Variants in WDR93 observed in about 807,000 individuals in gnomAD.
WDR93 encodes the protein WD repeat-containing protein 93.
In WDR93, 73 loss-of-function variants were observed where a neutral mutation model predicts 82.9. The observed-to-expected ratio is 0.88, with a 90% confidence interval of 0.73 to 1.07. The LOEUF is 1.07. WDR93 is among the 50% of genes least tolerant of loss of function. The pLI, the probability that WDR93 is intolerant of heterozygous loss-of-function variation, is 0.00. For synonymous variants in WDR93, 283 were observed against 300.1 expected (o/e 0.94, Z 0.59); for missense variants, 738 against 826.0 (o/e 0.89, Z 1.31).
At chr15:89,697,346 G>A (rs1261592509) in intron 1 of WDR93, among the ~76,000 whole-genome samples, 1 of 152,258 alleles carries the variant, frequency 6.6e-6, no homozygotes, top group East Asian at 1.9e-4. Flanking sequence ...CCATTCCTGA[G>A]TATCTACCCT....
Position 89,731,577 on chromosome 15 carries a change from C to T in WDR93, c.1330+15C>T. The T allele has an allele frequency of 6.2e-7, 1 of 1,613,820 alleles. No homozygotes were observed. The highest frequency in any genetic ancestry group is 8.5e-7 in the Non-Finnish European group (1 of 1,179,906). On this transcript the variant is annotated intron_variant, in intron 12 of 16. Coordinates refer to ENST00000268130, the MANE Select transcript of WDR93 (RefSeq NM_020212.2). ...CCTGGCCAAAGGTAAGTCCTCCCTGCCTCTCTACCTAGTACCTGGGTGGGA... is the reference window on the plus strand; with the variant it reads ...CCTGGCCAAAGGTAAGTCCTCCCTGTCTCTCTACCTAGTACCTGGGTGGGA...
In WDR93 at chr15:89,699,657, G is replaced by A. The variant is rs73481777; in HGVS notation, c.-40-2050G>A. ...TTTTTTCAGTCTTTTTTATTCCTTC[G>A]TTTCATTTTGTTTCTATTGCTGTGT... On this transcript the variant is annotated intron_variant, in intron 1 of 16. Coordinates refer to ENST00000268130, the MANE Select transcript of WDR93 (RefSeq NM_020212.2). 6.6e-3 allele frequency among the ~76,000 whole-genome samples: 996 copies of A among 150,664 alleles called. 12 individuals carry two copies. The highest frequency in any genetic ancestry group is 0.023 in the African/African-American group (963 of 40,980).
At chr15:89,715,166 G>A in intron 6 of WDR93, 71 bp downstream of exon 6, 1 of 1,367,558 alleles carries the variant, frequency 7.3e-7, no homozygotes, top group Non-Finnish European at 1.0e-6. Context: ...CCAAGTCCTT[G>A]GAAACTTATG....
chr15:89,740,865 C>T (rs1416598930), intron 16 of WDR93, among the ~76,000 whole-genome samples: 3 of 151,752 alleles, frequency 2.0e-5, no homozygotes, highest in Non-Finnish European at 2.9e-5. Flanking sequence ...ATTGGCCGGG[C>T]GCGGTGGCTC....
intron 1 of WDR93, 32 bp downstream of exon 1, chr15:89,690,889 G>A: frequency 2.1e-6 from 1 of 468,006 alleles, no homozygotes. Context: ...TTTGGATGCC[G>A]GGGCTCCCCT....
In WDR93 at chr15:89,712,216, G is replaced by A; in HGVS notation, c.640+112G>A. On this transcript the variant is annotated intron_variant, in intron 5 of 16. Transcript: ENST00000268130. ...ATTTAGAAATTATTTTCAATTCAAA[G>A]AAGAGTTGCAAAGAAATTACAGAGT... 9.3e-6 allele frequency: 8 copies of A among 864,018 alleles called. 1 individual carries two copies. In the South Asian group the frequency reaches 1.1e-4, roughly 12 times the overall value. The allele number at this position is 864,018 out of a possible 1,614,324, so 53.5% of individuals were successfully genotyped here.
At chr15:89,735,421 C>T (rs1420182338) in intron 13 of WDR93, 69 bp from the exon 14 acceptor site, 1 of 1,505,820 alleles carries the variant, frequency 6.6e-7, no homozygotes. Flanking sequence ...GGATATATGC[C>T]TAGAAGAGGA....
intron 16 of WDR93, among the ~76,000 whole-genome samples, chr15:89,742,416 C>G (rs892558955): frequency 4.7e-5 from 7 of 148,502 alleles, no homozygotes; most frequent in African/African-American, 1.8e-4. Flanking sequence ...CCACTGACAG[C>G]CCCCCCTCCA....
chr15:89,690,504 C>G, upstream of WDR93: 1 of 1,146,570 alleles, frequency 8.7e-7, no homozygotes, highest in Non-Finnish European at 1.3e-6. Flanking sequence ...TCCTTTTTCC[C>G]GGGTGCAGGG....
chr15:89,724,540 G>A (rs1966655917), intron 8 of WDR93, among the ~76,000 whole-genome samples: 1 of 151,892 alleles, frequency 6.6e-6, no homozygotes, highest in Non-Finnish European at 1.5e-5. Flanking sequence ...AGAGGTAGAA[G>A]TTATTTGCAA....
At chr15:89,731,682 T>C in intron 12 of WDR93, 120 bp downstream of exon 12, 1 of 1,361,662 alleles carries the variant, frequency 7.3e-7, no homozygotes, top group Non-Finnish European at 1.0e-6. Flanking sequence ...TAAAGTCACC[T>C]TGGGGAACTG....
At chr15:89,723,867 A>G (rs754863007) in intron 8 of WDR93, among the ~76,000 whole-genome samples, 9 of 152,214 alleles carry the variant, frequency 5.9e-5, no homozygotes, top group Non-Finnish European at 1.3e-4. Flanking sequence ...AGAAGTAAAT[A>G]TATGAAAGGC....
chr15:89,692,763 C>A (rs565830044), intron 1 of WDR93, among the ~76,000 whole-genome samples: 3 of 152,152 alleles, frequency 2.0e-5, no homozygotes, highest in African/African-American at 7.2e-5. Context: ...TGCGCCACCA[C>A]GCATGGCTGA....
At chr15:89,732,092 A>T (rs569701145) in intron 12 of WDR93, among the ~76,000 whole-genome samples, 2 of 152,286 alleles carry the variant, frequency 1.3e-5, no homozygotes, top group African/African-American at 4.8e-5. Flanking sequence ...AGCTTTGCAG[A>T]TACAGAAATC....
Position 89,731,502 on chromosome 15 carries a change from T to A in WDR93, c.1270T>A (p.Ser424Thr). The A allele has an allele frequency of 6.2e-7, 1 of 1,614,176 alleles. No individual in the cohort carries two copies. ...PIAVSQLSCS[S>T]SYLVLACEDG... is the part of the protein sequence containing the mutation. ...TGCAGTCTCTCAGCTCAGCTGCTCCTCCTCCTACCTGGTGCTGGCCTGCGA... is the reference window on the plus strand; with the variant it reads ...TGCAGTCTCTCAGCTCAGCTGCTCCACCTCCTACCTGGTGCTGGCCTGCGA... The change falls in exon 12 of 17, where the codon TCC becomes ACC. Residue 424 changes from serine to threonine, a missense_variant. By Grantham distance (58) the Ser-to-Thr change is moderately conservative (BLOSUM62 1). Transcript: ENST00000268130.
rs551488824 is a variant in WDR93, at chr15:89,714,796, T to C, written c.641-184T>C. Among the ~76,000 whole-genome samples, 10 of 152,310 alleles carry C rather than the reference T, an allele frequency of 6.6e-5. No individual in the cohort carries two copies. In the South Asian group the frequency reaches 2.1e-3, roughly 32 times the overall value. On this transcript the variant is annotated intron_variant, in intron 5 of 16. Coordinates refer to ENST00000268130, the MANE Select transcript of WDR93 (RefSeq NM_020212.2). ...GGGATAACTCTCCATGGGAAAGTTA[T>C]GTGGGGCATGAGGACTTGCAATAAC...
intron 13 of WDR93, among the ~76,000 whole-genome samples, chr15:89,734,673 T>G (rs1466896479): frequency 6.6e-6 from 1 of 152,054 alleles, no homozygotes. Flanking sequence ...CATCATTCCT[T>G]TGCTTTCCCT....
Position 89,703,378 on chromosome 15 carries a change from C to T in WDR93, c.496+236C>T, listed in dbSNP as rs546881451. 31 of 553,394 alleles carry T rather than the reference C, an allele frequency of 5.6e-5. No homozygotes were observed. In the East Asian group the frequency reaches 9.1e-4, roughly 16 times the overall value. 34.3% of individuals were successfully genotyped at this position (553,394 alleles called of 1,614,324 possible). On this transcript the variant is annotated intron_variant, in intron 3 of 16. Coordinates refer to ENST00000268130, the MANE Select transcript of WDR93 (RefSeq NM_020212.2). ...TAGGGGGGAAGTAAAATTTTTTATT[C>T]CTGTTCAGAAGAGGCAACTGACTTA...
At position 89,716,936 on chromosome 15, in the gene WDR93, A is replaced by G. The variant is rs1469064162; in HGVS notation, c.782A>G (p.Asp261Gly). The G allele has an allele frequency of 6.4e-7, 1 of 1,556,462 alleles. No homozygotes were observed. The highest frequency in any genetic ancestry group is 1.3e-5 in the South Asian group (1 of 79,278). ...QLNSLGPISA[D>G]PLEMDANVSF... Reference sequence around the variant, plus strand: ...AACTCCCTTGGTCCCATTTCTGCAGATCCTTTAGAAATGGTAAGAAACTTT... The same window carrying G: ...AACTCCCTTGGTCCCATTTCTGCAGGTCCTTTAGAAATGGTAAGAAACTTT... Residue 261 changes from aspartate to glycine, a missense_variant, in exon 7 of 17, where the codon GAT (aspartate) becomes GGT (glycine). By Grantham distance (94) the Asp-to-Gly change is moderately conservative. Coordinates refer to ENST00000268130, the MANE Select transcript of WDR93 (RefSeq NM_020212.2).
Sources: gnomAD v4.1 joint callset for allele counts (sites outside exome capture counted in the v4.1 genomes callset) on GRCh38, gnomAD v4.1.1 for gene constraint, MANE v1.5 for transcripts, NCBI Gene and HGNC (gene_info 2026-07-23, HGNC 2026-07-21) for gene names.